TLL1: variants seen among roughly 807,000 people sequenced by gnomAD.
TLL1 encodes tolloid-like protein 1.
Under a neutral mutation model 128.2 loss-of-function variants are expected in TLL1, and 49 were observed. The ratio of observed to expected loss-of-function variants is 0.38; its 90% CI spans 0.30 to 0.48. The LOEUF (loss-of-function observed/expected upper bound fraction) is 0.48. TLL1 is among the 20% of genes least tolerant of loss of function. The pLI is 0.96. For missense variants in TLL1, 1,123 were observed against 1,242.0 expected (o/e 0.90, Z 1.44); for synonymous variants, 454 against 418.8 (o/e 1.08, Z -1.03).
intron 19 of TLL1, among the ~76,000 whole-genome samples, chr4:166,095,113 T>A (rs1741959647): frequency 1.3e-5 from 2 of 152,152 alleles, no homozygotes; most frequent in Admixed American, 1.3e-4. Context: ...GATCCTTAAG[T>A]ATACAGTTTA....
chr4:165,875,357 C>A (rs1730679095), intron 1 of TLL1, among the ~76,000 whole-genome samples: 1 of 151,812 alleles, frequency 6.6e-6, no homozygotes, highest in South Asian at 2.1e-4. Context: ...CTTTGATGAC[C>A]CATTGTTCTG....
chr4:165,933,740 C>A (rs930089157), intron 1 of TLL1, among the ~76,000 whole-genome samples: 1 of 152,152 alleles, frequency 6.6e-6, no homozygotes, highest in Non-Finnish European at 1.5e-5. Context: ...CACCTCAGAG[C>A]AGGTCCGCTC....
At position 166,091,279 on chromosome 4, in the gene TLL1, T is replaced by A. The variant is rs761091204; in HGVS notation, c.2594T>A (p.Phe865Tyr). The A allele has an allele frequency of 1.2e-6, 2 of 1,613,066 alleles. No homozygotes were observed. The highest frequency in any genetic ancestry group is 2.2e-5 in the South Asian group (2 of 91,046). Residue 865 changes from phenylalanine (F) to tyrosine (Y), a missense_variant, in exon 19 of 21, where the codon TTT becomes TAT. Physicochemically the swap from Phe to Tyr is conservative, Grantham distance 22 (BLOSUM62 3). Transcript: ENST00000061240. ...CTTGTGGCTACTGGAAATAAAATGT[T>A]TGTTCGGTTTGTTTCTGATGCATCT... ...DPLVATGNKM[F>Y]VRFVSDASVQ...
At chr4:165,928,344 C>T (rs1259915994) in intron 1 of TLL1, among the ~76,000 whole-genome samples, 1 of 152,022 alleles carries the variant, frequency 6.6e-6, no homozygotes, top group Non-Finnish European at 1.5e-5. Flanking sequence ...CAGAAATAAC[C>T]ATACACTGTT....
At chr4:165,984,021 A>G (rs1736281300) in intron 1 of TLL1, among the ~76,000 whole-genome samples, 1 of 151,850 alleles carries the variant, frequency 6.6e-6, no homozygotes, top group South Asian at 2.1e-4. Context: ...TAAAAGTGGA[A>G]AAGTAGATTT....
intron 5 of TLL1, 57 bp downstream of exon 5, chr4:165,995,235 A>C: frequency 8.3e-7 from 1 of 1,204,596 alleles, no homozygotes; most frequent in Non-Finnish European, 1.2e-6. Flanking sequence ...AAGGAAAACA[A>C]TTAAATGTCC....
At chr4:166,022,213 G>A (rs1579635708) in intron 8 of TLL1, among the ~76,000 whole-genome samples, 1 of 150,712 alleles carries the variant, frequency 6.6e-6, no homozygotes, top group South Asian at 2.1e-4. Flanking sequence ...CACCCAGGCT[G>A]GAGTGCAGTG....
intron 1 of TLL1, among the ~76,000 whole-genome samples, chr4:165,931,542 C>A (rs1312888012): frequency 6.6e-6 from 1 of 151,640 alleles, no homozygotes; most frequent in Non-Finnish European, 1.5e-5. Flanking sequence ...ACGGTGAAAC[C>A]CCGTCTCTAC....
At chr4:165,942,065 A>G (rs1001989280) in intron 1 of TLL1, among the ~76,000 whole-genome samples, 1 of 152,178 alleles carries the variant, frequency 6.6e-6, no homozygotes, top group Non-Finnish European at 1.5e-5. Context: ...GCACTCAGAG[A>G]AAGATTAAGT....
chr4:165,990,502 T>C (rs1473587613), intron 2 of TLL1, among the ~76,000 whole-genome samples: 2 of 151,998 alleles, frequency 1.3e-5, no homozygotes, highest in African/African-American at 4.8e-5. Flanking sequence ...TATATCGAAA[T>C]ATTTCTACCT....
At chr4:166,021,035 G>C (rs942783210) in intron 8 of TLL1, among the ~76,000 whole-genome samples, 1 of 152,174 alleles carries the variant, frequency 6.6e-6, no homozygotes, top group Admixed American at 6.5e-5. Context: ...CACACATGGA[G>C]TCTGAATGCA....
intron 1 of TLL1, among the ~76,000 whole-genome samples, chr4:165,934,102 G>A (rs1017461821): frequency 6.6e-6 from 1 of 150,896 alleles, no homozygotes; most frequent in African/African-American, 2.4e-5. Flanking sequence ...AGGTTCAAGT[G>A]ATTCTCCTGC....
chr4:165,961,001 G>A (rs1194136790), intron 1 of TLL1, among the ~76,000 whole-genome samples: 1 of 152,014 alleles, frequency 6.6e-6, no homozygotes, highest in African/African-American at 2.4e-5. Context: ...AGAAATAACA[G>A]GCATCTAAGT....
chr4:165,976,034 C>CAAAAAAAAAAAAAAAAAAAAAAA (rs1169297533), intron 1 of TLL1, among the ~76,000 whole-genome samples: 1 of 72,098 alleles, frequency 1.4e-5, no homozygotes, highest in Non-Finnish European at 2.5e-5. Context: ...GATTCCATCT[C>CAAAAAAAAAAAAAAAAAAAAAAA]AAAAAAAAAA....
intron 8 of TLL1, among the ~76,000 whole-genome samples, chr4:166,022,704 T>A (rs1464141041): frequency 6.6e-6 from 1 of 152,078 alleles, no homozygotes; most frequent in Non-Finnish European, 1.5e-5. Flanking sequence ...AGAATGAGAG[T>A]TTATTATAAT....
At position 165,965,433 on chromosome 4, in the gene TLL1, C is replaced by G. The variant is rs75313718; in HGVS notation, c.170-23948C>G. Reference sequence around the variant, plus strand: ...CAACACAAATCTGTGTCACAAAACCCTGTGTTAAATTGGGCACTTTATTTC... The same window carrying G: ...CAACACAAATCTGTGTCACAAAACCGTGTGTTAAATTGGGCACTTTATTTC... On this transcript the variant is annotated intron_variant, in intron 1 of 20. Coordinates refer to ENST00000061240, the MANE Select transcript of TLL1 (RefSeq NM_012464.5). Among the ~76,000 whole-genome samples, 1,009 of 152,294 alleles carry G rather than the reference C, an allele frequency of 6.6e-3. 6 individuals carry two copies. Among genetic ancestry groups the G allele is most frequent in the Non-Finnish European group, 0.011 (731 of 68,018 alleles).
chr4:165,877,541 T>G (rs906592433), intron 1 of TLL1, among the ~76,000 whole-genome samples: 1 of 152,240 alleles, frequency 6.6e-6, no homozygotes. Flanking sequence ...GTGTCCTGTT[T>G]CATTGTTGTA....
chr4:165,954,999 G>C (rs942257014), intron 1 of TLL1, among the ~76,000 whole-genome samples: 1 of 152,082 alleles, frequency 6.6e-6, no homozygotes, highest in Non-Finnish European at 1.5e-5. Flanking sequence ...TTAAGATTCA[G>C]GAGAAAGTTG....
chr4:166,089,863 CTCCA>C (rs1741684679), intron 18 of TLL1, among the ~76,000 whole-genome samples: 3 of 151,978 alleles, frequency 2.0e-5, no homozygotes, highest in Admixed American at 1.3e-4. Flanking sequence ...CGTTAAGTAA[CTCCA>C]TTCCTTTCTT....
Sources: gnomAD v4.1 joint callset for allele counts (sites outside exome capture counted in the v4.1 genomes callset) on GRCh38, gnomAD v4.1.1 for gene constraint, MANE v1.5 for transcripts, NCBI Gene and HGNC (gene_info 2026-07-23, HGNC 2026-07-21) for gene names.